DCST1: variants seen among roughly 807,000 people sequenced by gnomAD.
The protein encoded by DCST1 is DC-STAMP domain containing 1.
Under a neutral mutation model 89.1 loss-of-function variants are expected in DCST1, and 78 were observed. That is an observed-to-expected ratio of 0.88 (90% CI 0.73 to 1.06). The LOEUF is 1.06. DCST1 is among the 50% of genes least tolerant of loss of function. The probability of loss-of-function intolerance (pLI) is 0.00; values close to 1 mark genes in which losing one functional copy is unlikely to be tolerated. For synonymous variants in DCST1, 364 were observed against 371.9 expected, an observed-to-expected ratio of 0.98 and a Z score of 0.24; for missense variants, 900 against 928.6, an observed-to-expected ratio of 0.97 and a Z score of 0.40.
chr1:155,043,017 G>T (rs1660483616), intron 9 of DCST1, among the ~76,000 whole-genome samples, 161 bp downstream of exon 9: 1 of 150,700 alleles, frequency 6.6e-6, no homozygotes, highest in South Asian at 2.1e-4. Flanking sequence ...TGTTGAGGGG[G>T]CCCTCTGTTT....
In DCST1 at chr1:155,047,789, T is replaced by G; in HGVS notation, c.1615T>G (p.Cys539Gly). 1 of 1,613,770 alleles carries G rather than the reference T, an allele frequency of 6.2e-7. No individual in the cohort carries two copies. The highest frequency in any genetic ancestry group is 8.5e-7 in the Non-Finnish European group (1 of 1,179,986). ...ETVMESNNMP[C>G]LPQPVGLDAR... ...CCCCTGGCCTGCCCCTCCCCTAGCCTGCCTGCCCCAGCCTGTGGGCCTGGA... is the reference window on the plus strand; with the variant it reads ...CCCCTGGCCTGCCCCTCCCCTAGCCGGCCTGCCCCAGCCTGTGGGCCTGGA... The change falls in exon 15 of 17, where the codon TGC (cysteine) becomes GGC (glycine). Residue 539 changes from cysteine (C) to glycine (G), a missense_variant and splice_region_variant. Physicochemically the swap from Cys to Gly is radical, Grantham distance 159. Transcript: ENST00000295542.
At chr1:155,042,951 C>T in intron 9 of DCST1, 95 bp downstream of exon 9, 1 of 1,510,346 alleles carries the variant, frequency 6.6e-7, no homozygotes, top group Non-Finnish European at 8.9e-7. Context: ...TGAGAGGGCA[C>T]AGGAAAGAGG....
chr1:155,048,931 T>C (rs925024876), intron 16 of DCST1: 5 of 691,210 alleles, frequency 7.2e-6, no homozygotes, highest in African/African-American at 7.0e-5. Flanking sequence ...GTAAGGCACA[T>C]GGAATCTGAG....
At chr1:155,048,666 T>TGTGCCC (rs1055010913) in intron 16 of DCST1, among the ~76,000 whole-genome samples, 1 of 152,198 alleles carries the variant, frequency 6.6e-6, no homozygotes, top group Non-Finnish European at 1.5e-5. Context: ...AGGTCAGGGC[T>TGTGCCC]GTGCCCGTTT....
chr1:155,034,330 C>T (rs747746822), intron 2 of DCST1, 105 bp from the exon 3 acceptor site: 2 of 1,605,904 alleles, frequency 1.2e-6, no homozygotes, highest in African/African-American at 2.7e-5. Context: ...TACTGTTTCA[C>T]ATGCCAGGTT....
intron 4 of DCST1, 87 bp downstream of exon 4, chr1:155,034,814 T>C: frequency 1.4e-6 from 2 of 1,459,280 alleles, no homozygotes; most frequent in Non-Finnish European, 9.6e-7. Flanking sequence ...TCGGGACTTG[T>C]TTCTTCTGTA....
At chr1:155,039,331 T>C (rs1571560393) in intron 4 of DCST1, 72 bp from the exon 5 acceptor site, 1 of 1,441,430 alleles carries the variant, frequency 6.9e-7, no homozygotes, top group African/African-American at 1.4e-5. Flanking sequence ...TGCAGGTGGG[T>C]GCTCTGGTAA....
intron 9 of DCST1, 79 bp downstream of exon 9, chr1:155,042,935 G>A (rs1660481473): frequency 1.3e-6 from 2 of 1,558,424 alleles, no homozygotes; most frequent in African/African-American, 1.4e-5. Context: ...CTAGAGGAAG[G>A]ACAAGTGAGA....
At chr1:155,038,465 C>G (rs1367840202) in intron 4 of DCST1, among the ~76,000 whole-genome samples, 1 of 152,206 alleles carries the variant, frequency 6.6e-6, no homozygotes, top group Non-Finnish European at 1.5e-5. Context: ...TAGGGAGACT[C>G]ATCAGGTTAT....
At chr1:155,048,991 A>C (rs1660755869) in intron 16 of DCST1, 1 of 716,822 alleles carries the variant, frequency 1.4e-6, no homozygotes, top group South Asian at 1.5e-5. Context: ...CACCTTGGCC[A>C]AGGTCTTCAC....
At chr1:155,041,214 G>A (rs1428906364) in intron 6 of DCST1, among the ~76,000 whole-genome samples, 183 bp from the exon 7 acceptor site, 2 of 152,102 alleles carry the variant, frequency 1.3e-5, no homozygotes, top group South Asian at 2.1e-4. Flanking sequence ...GCTGGTGGGG[G>A]GGCTCCCAAG....
rs764111973 is a variant in DCST1, at chr1:155,050,779, C to T, written c.2032C>T (p.Arg678Trp). The change falls in exon 17 of 17, where the codon CGG (arginine) becomes TGG (tryptophan). Residue 678 changes from arginine to tryptophan, a missense_variant. Transcript: ENST00000295542. ...CTGCTGGTCGTGCTGGGACGACATG[C>T]GGCAGCGGTGCCCGGTCTGCACGCC... ...VYCWSCWDDM[R>W]QRCPVCTPRE... is the part of the protein sequence containing the mutation. The T allele has an allele frequency of 3.7e-6, 6 of 1,611,178 alleles. No individual in the cohort carries two copies. In the East Asian group the frequency reaches 1.1e-4, roughly 30 times the overall value.
intron 4 of DCST1, among the ~76,000 whole-genome samples, chr1:155,038,366 C>T (rs1216468400): frequency 1.8e-4 from 28 of 152,212 alleles, no homozygotes; most frequent in Admixed American, 1.8e-3. Flanking sequence ...TGGTTTGAAG[C>T]AGGGAAGGGA....
chr1:155,047,835 C>G lies in DCST1; in HGVS notation c.1661C>G (p.Ala554Gly). 6.2e-7 allele frequency: 1 copy of G among 1,614,224 alleles called. No homozygotes were observed. Among genetic ancestry groups the G allele is most frequent in the Non-Finnish European group, 8.5e-7 (1 of 1,180,046 alleles). Residue 554 changes from alanine (A) to glycine (G), a missense_variant, in exon 15 of 17, where the codon GCT becomes GGT. Coordinates refer to ENST00000295542, the MANE Select transcript of DCST1 (RefSeq NM_152494.4). ...CTGGATGCCAGGGCCTACTGGAGAG[C>G]TGCAGTACCGATTGGCCTGTTAGTG... ...VGLDARAYWR[A>G]AVPIGLLVCL...
At chr1:155,047,964 A>C (rs760049400) in intron 15 of DCST1, 35 bp downstream of exon 15, 2 of 1,613,106 alleles carry the variant, frequency 1.2e-6, no homozygotes, top group African/African-American at 2.7e-5. Context: ...ACCCCTACAC[A>C]CCTGCACACA....
Position 155,041,545 on chromosome 1 carries a change from C to T in DCST1, c.680C>T (p.Ala227Val), listed in dbSNP as rs1311879395. 1 of 1,614,100 alleles carries T rather than the reference C, an allele frequency of 6.2e-7. No homozygotes were observed. Among genetic ancestry groups the T allele is most frequent in the Non-Finnish European group, 8.5e-7 (1 of 1,180,046 alleles). ...GCCCAGGGCAGGGAGGCCCGCCAAG[C>T]CCCAGCCTCCAGACTCCACCTGTCG... Reference protein sequence around the residue: ...ETAQGREARQAPASRLHLSTQ... With the variant: ...ETAQGREARQVPASRLHLSTQ... The change falls in exon 7 of 17, where the codon GCC (alanine) becomes GTC (valine). Residue 227 changes from alanine to valine, a missense_variant. By Grantham distance (64) the Ala-to-Val change is moderately conservative. Transcript: ENST00000295542.
chr1:155,046,659 G>A (rs1016481735), intron 13 of DCST1, among the ~76,000 whole-genome samples, 173 bp downstream of exon 13: 2 of 136,196 alleles, frequency 1.5e-5, no homozygotes, highest in Non-Finnish European at 3.0e-5. Flanking sequence ...CTGGAGGAGT[G>A]CATTGGCACA....
intron 5 of DCST1, 89 bp from the exon 6 acceptor site, chr1:155,040,396 G>T (rs377428571): frequency 6.9e-7 from 1 of 1,446,566 alleles, no homozygotes; most frequent in Admixed American, 2.2e-5. Context: ...AGTTCTAGGC[G>T]ATGGGCACTA....
intron 12 of DCST1, 54 bp from the exon 13 acceptor site, chr1:155,046,306 C>T: frequency 1.2e-6 from 2 of 1,613,998 alleles, no homozygotes; most frequent in Non-Finnish European, 1.7e-6. Flanking sequence ...AGAGAGTGCT[C>T]CGTGCCCAGG....
Sources: allele counts gnomAD v4.1 joint callset (sites outside exome capture counted in the v4.1 genomes callset), GRCh38; gene constraint gnomAD v4.1.1; transcripts MANE v1.5; gene names NCBI Gene and HGNC (gene_info 2026-07-23, HGNC 2026-07-21).